Variants in RAB33A observed in about 807,000 individuals in gnomAD.
RAB33A encodes ras-related protein Rab-33A.
RAB33A carries 6 observed loss-of-function variants against 12.0 expected under a neutral mutation model. The observed-to-expected ratio is 0.50, with a 90% CI of 0.27 to 0.99. RAB33A has a LOEUF of 0.99. Ranked by LOEUF, RAB33A falls within the 50% of genes least tolerant of loss-of-function variation. The pLI is 0.11. For missense variants in RAB33A, 109 were observed against 192.0 expected (o/e 0.57, Z 2.55); for synonymous variants, 70 against 82.4 (o/e 0.85, Z 0.81).
chrX:130,147,923 T>C, the RAB33A span: 4 of 1,207,489 alleles, frequency 3.3e-6, no homozygotes, highest in Non-Finnish European at 4.5e-6. Context: ...AAGTCTCAGA[T>C]GATTCTTTGC....
chrX:130,118,903 A>T, the RAB33A span, among the ~76,000 whole-genome samples: 1 of 111,403 alleles, frequency 9.0e-6, no homozygotes, highest in Admixed American at 9.5e-5. Context: ...GTGTTCGTGG[A>T]GGGCATGTGC....
chrX:130,178,651 A>T (rs112433143), intron 1 of RAB33A, among the ~76,000 whole-genome samples: 36,916 of 104,031 alleles, frequency 0.35, 5,899 homozygotes, highest in African/African-American at 0.49. Flanking sequence ...TTAATTAATT[A>T]ATTTATTTAT....
At chrX:130,113,538 C>T in the RAB33A span, among the ~76,000 whole-genome samples, 1 of 109,554 alleles carries the variant, frequency 9.1e-6, no homozygotes, top group Non-Finnish European at 1.9e-5. Context: ...ATTCTCCTGC[C>T]TCAGCCTCCC....
the RAB33A span, among the ~76,000 whole-genome samples, chrX:130,111,982 C>A: frequency 9.0e-6 from 1 of 111,529 alleles, no homozygotes; most frequent in Non-Finnish European, 1.9e-5. Flanking sequence ...ACTGAAGGAG[C>A]CCCAGGGGAT....
At chrX:130,175,492 C>CTT (rs5903795) in intron 1 of RAB33A, among the ~76,000 whole-genome samples, 1,392 of 75,469 alleles carry the variant, frequency 0.018, 20 homozygotes, top group Non-Finnish European at 0.021. Context: ...ACTGGGTTTA[C>CTT]TTTTTTTTTT....
chrX:130,172,549 C>G (rs935437970), intron 1 of RAB33A, among the ~76,000 whole-genome samples: 5 of 112,027 alleles, frequency 4.5e-5, no homozygotes, highest in Admixed American at 3.8e-4. Flanking sequence ...CATTCTTACC[C>G]TTAGCCCCTG....
the RAB33A span, among the ~76,000 whole-genome samples, chrX:130,118,154 A>G: frequency 8.9e-6 from 1 of 112,424 alleles, no homozygotes. Context: ...GAAGTGTGCA[A>G]GCAGGTGGCA....
chrX:130,180,242 C>T (rs1026303205), intron 1 of RAB33A, among the ~76,000 whole-genome samples: 2 of 111,627 alleles, frequency 1.8e-5, no homozygotes, highest in African/African-American at 3.3e-5. Context: ...GGGCTGCAGT[C>T]GTTTCCTGAA....
the RAB33A span, chrX:130,137,746 G>T: frequency 3.9e-6 from 4 of 1,026,315 alleles, no homozygotes; most frequent in African/African-American, 5.8e-5. Context: ...GGCATAGAGG[G>T]TAGAGGAAAA....
At chrX:130,161,286 G>A in the RAB33A span, among the ~76,000 whole-genome samples, 2 of 110,396 alleles carry the variant, frequency 1.8e-5, no homozygotes, top group Non-Finnish European at 3.8e-5. Flanking sequence ...GCCGAGGTGG[G>A]CGGATCACGA....
the RAB33A span, chrX:130,137,346 G>A: frequency 1.5e-3 from 1,792 of 1,156,822 alleles, 16 homozygotes; most frequent in Admixed American, 8.6e-4. Flanking sequence ...TGAGGGCCTC[G>A]GTGCTCAAGT....
At chrX:130,153,029 A>T in the RAB33A span, among the ~76,000 whole-genome samples, 7 of 110,881 alleles carry the variant, frequency 6.3e-5, no homozygotes, top group African/African-American at 2.3e-4. Context: ...CATGGTAAAA[A>T]TTTTTAAAAG....
At chrX:130,176,575 T>G (rs1236424972) in intron 1 of RAB33A, among the ~76,000 whole-genome samples, 4 of 112,347 alleles carry the variant, frequency 3.6e-5, no homozygotes, top group Non-Finnish European at 7.5e-5. Context: ...TAAGTGTTCC[T>G]TGGAAGCTGC....
chrX:130,115,655 AAG>A, the RAB33A span, among the ~76,000 whole-genome samples: 1 of 76,811 alleles, frequency 1.3e-5, no homozygotes, highest in Non-Finnish European at 2.8e-5. Flanking sequence ...AAAAGAAAGA[AAG>A]AGAGAAAGAG....
At chrX:130,181,007 CAAAAA>C (rs60085312) in intron 1 of RAB33A, among the ~76,000 whole-genome samples, 7 of 8,122 alleles carry the variant, frequency 8.6e-4, no homozygotes, top group African/African-American at 2.4e-3. Flanking sequence ...CAGTCCATCT[CAAAAA>C]AAAAAAAAAA....
At chrX:130,156,669 T>G in the RAB33A span, 1 of 1,095,728 alleles carries the variant, frequency 9.1e-7, no homozygotes, top group South Asian at 1.8e-5. Context: ...TATTTATGAT[T>G]AAATGTCAAT....
the RAB33A span, among the ~76,000 whole-genome samples, chrX:130,119,598 C>G: frequency 9.0e-6 from 1 of 111,265 alleles, no homozygotes; most frequent in African/African-American, 3.3e-5. Context: ...GGGGAGGGGT[C>G]TGGTAGAAAG....
the RAB33A span, chrX:130,139,667 T>C: frequency 5.0e-6 from 3 of 603,992 alleles, no homozygotes; most frequent in East Asian, 3.3e-5. Context: ...CAAGGCCAGA[T>C]AACAAGTCTG....
At chrX:130,124,634 G>A in the RAB33A span, among the ~76,000 whole-genome samples, 1 of 112,511 alleles carries the variant, frequency 8.9e-6, no homozygotes, top group Non-Finnish European at 1.9e-5. Flanking sequence ...TGTCCAAATT[G>A]TCAACCCCTT....
Sources: gnomAD v4.1 joint callset for allele counts (sites outside exome capture counted in the v4.1 genomes callset) on GRCh38, gnomAD v4.1.1 for gene constraint, MANE v1.5 for transcripts, NCBI Gene and HGNC (gene_info 2026-07-23, HGNC 2026-07-21) for gene names.